KCNQ5: variants seen among roughly 807,000 people sequenced by gnomAD.
KCNQ5 encodes the protein potassium voltage-gated channel subfamily KQT member 5.
In KCNQ5, 30 loss-of-function variants were observed where a neutral mutation model predicts 98.2. The ratio of observed to expected loss-of-function variants is 0.31; its 90% CI spans 0.23 to 0.41. The LOEUF (loss-of-function observed/expected upper bound fraction) is 0.41, where lower values mean the gene tolerates loss of function less well. Among genes scored for constraint, KCNQ5 ranks in the 10% least tolerant of loss-of-function variants. The probability of loss-of-function intolerance (pLI) is 1.00; values close to 1 mark genes in which losing one functional copy is unlikely to be tolerated. For synonymous variants in KCNQ5, 458 were observed against 449.4 expected (o/e 1.02, Z -0.24); for missense variants, 835 against 1,182.5 (o/e 0.71, Z 4.31).
chr6:72,765,435 A>G (rs1772519046), intron 1 of KCNQ5, among the ~76,000 whole-genome samples: 1 of 152,066 alleles, frequency 6.6e-6, no homozygotes, highest in Non-Finnish European at 1.5e-5. Flanking sequence ...ACCAACGTCT[A>G]CTTTACACTG....
At chr6:72,824,464 TTC>T (rs1775896833) in intron 1 of KCNQ5, among the ~76,000 whole-genome samples, 8 of 152,150 alleles carry the variant, frequency 5.3e-5, no homozygotes, top group Admixed American at 5.2e-4. Context: ...TCATCAGTTT[TTC>T]TGTTTTTCAC....
At chr6:72,706,754 G>A (rs1170731177) in intron 1 of KCNQ5, among the ~76,000 whole-genome samples, 2 of 152,120 alleles carry the variant, frequency 1.3e-5, no homozygotes, top group African/African-American at 4.8e-5. Context: ...CCGAAAAGGA[G>A]ACTGTGACTA....
At chr6:72,764,644 A>G (rs1582246301) in intron 1 of KCNQ5, among the ~76,000 whole-genome samples, 1 of 151,970 alleles carries the variant, frequency 6.6e-6, no homozygotes, top group African/African-American at 2.4e-5. Context: ...AGTTATTTTA[A>G]AATGTACAGT....
intron 11 of KCNQ5, among the ~76,000 whole-genome samples, chr6:73,184,901 A>G (rs1048648458): frequency 6.6e-6 from 1 of 152,066 alleles, no homozygotes; most frequent in Admixed American, 6.6e-5. Context: ...AGAAGGGGGG[A>G]ATTCTCACCA....
intron 11 of KCNQ5, among the ~76,000 whole-genome samples, chr6:73,188,501 A>G (rs1221218316): frequency 6.6e-6 from 1 of 152,194 alleles, no homozygotes; most frequent in Non-Finnish European, 1.5e-5. Context: ...CTGTTAGATT[A>G]GCTCTTCTGG....
chr6:72,689,078 G>T (rs1768086090), intron 1 of KCNQ5, among the ~76,000 whole-genome samples: 2 of 152,114 alleles, frequency 1.3e-5, no homozygotes, highest in South Asian at 4.1e-4. Flanking sequence ...CTTGCAGTTG[G>T]GAATTTACTG....
intron 1 of KCNQ5, among the ~76,000 whole-genome samples, chr6:72,995,368 C>CAAA (rs376273426): frequency 0.13 from 8,879 of 69,844 alleles, 540 homozygotes; most frequent in African/African-American, 0.27. Flanking sequence ...AACTCTGTCT[C>CAAA]AAAAAAAAAA....
intron 1 of KCNQ5, among the ~76,000 whole-genome samples, chr6:72,915,135 T>C (rs1231147421): frequency 6.6e-6 from 1 of 152,178 alleles, no homozygotes; most frequent in Non-Finnish European, 1.5e-5. Flanking sequence ...AACATCTTAA[T>C]AATGGCTTTT....
intron 3 of KCNQ5, chr6:73,055,391 G>A: frequency 6.7e-7 from 1 of 1,501,908 alleles, no homozygotes; most frequent in East Asian, 2.3e-5. Context: ...CAATAAAGCA[G>A]AAACTGCTGC....
intron 1 of KCNQ5, among the ~76,000 whole-genome samples, chr6:72,922,814 T>TTCTTTC (rs1402505317): frequency 7.5e-6 from 1 of 133,530 alleles, no homozygotes; most frequent in African/African-American, 2.8e-5. Flanking sequence ...CTTTTTCTTT[T>TTCTTTC]TTTTTTTTTT....
intron 7 of KCNQ5, among the ~76,000 whole-genome samples, chr6:73,120,201 G>T (rs758604686): frequency 6.6e-6 from 1 of 151,956 alleles, no homozygotes; most frequent in Non-Finnish European, 1.5e-5. Context: ...AGCTGAGATC[G>T]CACCACTGCA....
rs373941501 is a variant in KCNQ5 at position 73,062,948 on chromosome 6, T to C, written c.617-14374T>C. ...CTAATCCTTAGGACATTTGCCATTG[T>C]GTGACTTAAGAATCCATCTCTTATC... On this transcript the variant is annotated intron_variant, in intron 3 of 13. Coordinates refer to ENST00000370398, the MANE Select transcript of KCNQ5 (RefSeq NM_019842.4). Among the ~76,000 whole-genome samples, 322 of 152,326 alleles carry C rather than the reference T, an allele frequency of 2.1e-3. 4 individuals carry two copies. Among genetic ancestry groups the C allele is most frequent in the South Asian group, 0.018 (89 of 4,826 alleles).
At chr6:73,145,792 T>A (rs577828430) in intron 10 of KCNQ5, among the ~76,000 whole-genome samples, 5 of 152,156 alleles carry the variant, frequency 3.3e-5, no homozygotes, top group African/African-American at 7.2e-5. Flanking sequence ...GGGTGATTTA[T>A]AAAGAAAAGT....
intron 1 of KCNQ5, among the ~76,000 whole-genome samples, chr6:72,936,956 T>C (rs1251652202): frequency 6.6e-6 from 1 of 152,218 alleles, no homozygotes; most frequent in Non-Finnish European, 1.5e-5. Flanking sequence ...TTTTCATTTG[T>C]GTATTTTGCA....
chr6:73,186,741 G>C (rs752518149), intron 11 of KCNQ5, among the ~76,000 whole-genome samples: 2 of 152,132 alleles, frequency 1.3e-5, no homozygotes, highest in African/African-American at 4.8e-5. Flanking sequence ...GTACTTGATT[G>C]TAAGTCTATG....
chr6:72,736,852 A>T (rs955843876), intron 1 of KCNQ5, among the ~76,000 whole-genome samples: 2 of 152,132 alleles, frequency 1.3e-5, no homozygotes, highest in African/African-American at 2.4e-5. Context: ...TAAAGGTGAA[A>T]GTATTATCAT....
At chr6:73,176,480 G>T (rs1420216379) in intron 11 of KCNQ5, among the ~76,000 whole-genome samples, 8 of 152,158 alleles carry the variant, frequency 5.3e-5, no homozygotes, top group Admixed American at 5.2e-4. Context: ...AAATTTTTCA[G>T]TCTCGGGTAT....
chr6:72,756,331 C>A (rs6899716), intron 1 of KCNQ5, among the ~76,000 whole-genome samples: 9,357 of 152,168 alleles, frequency 0.061, 943 homozygotes, highest in African/African-American at 0.21. Context: ...GCAGGAACAA[C>A]GTTCTCTTGT....
chr6:73,117,592 A>AT (rs1333061462), intron 7 of KCNQ5, among the ~76,000 whole-genome samples: 1 of 151,878 alleles, frequency 6.6e-6, no homozygotes, highest in Admixed American at 6.6e-5. Flanking sequence ...GTTGTTTTGG[A>AT]TTTTTTCACT....
Sources: allele counts gnomAD v4.1 joint callset (sites outside exome capture counted in the v4.1 genomes callset), GRCh38; gene constraint gnomAD v4.1.1; transcripts MANE v1.5; gene names NCBI Gene and HGNC (gene_info 2026-07-23, HGNC 2026-07-21).